The following KANK1 variants were observed in gnomAD, a reference collection of about 807,000 sequenced individuals.
The protein encoded by KANK1 is KN motif and ankyrin repeat domains 1, also known as KN motif and ankyrin repeat domain-containing protein 1.
A neutral mutation model predicts 106.2 loss-of-function variants in KANK1; 109 were observed. The ratio of observed to expected loss-of-function variants is 1.03; its 90% CI spans 0.88 to 1.20. The LOEUF (loss-of-function observed/expected upper bound fraction) is 1.20. KANK1 is among the 50% of genes most tolerant of loss of function. The pLI is 0.00. For synonymous variants in KANK1, 873 were observed against 652.2 expected (o/e 1.34, Z -5.16); for missense variants, 2,399 against 1,710.7 (o/e 1.40, Z -7.10).
chr9:532,364 C>CTT (rs1187078952), intron 1 of KANK1, among the ~76,000 whole-genome samples: 918 of 81,828 alleles, frequency 0.011, 42 homozygotes, highest in African/African-American at 0.034. Context: ...GCCTCAAGCA[C>CTT]TTTTTTTTTT....
chr9:738,886 C>T (rs1169496000), intron 8 of KANK1, among the ~76,000 whole-genome samples: 1 of 152,174 alleles, frequency 6.6e-6, no homozygotes, highest in African/African-American at 2.4e-5. Flanking sequence ...AGGGTCACAG[C>T]CTTGGTGCGT....
intron 2 of KANK1, chr9:693,809 G>C (rs1258046766): frequency 1.0e-6 from 1 of 985,324 alleles, no homozygotes; most frequent in Non-Finnish European, 1.2e-6. Context: ...GCCCACAAAA[G>C]AAAGAGAGGA....
At chr9:547,099 G>T (rs2060979568) in intron 1 of KANK1, among the ~76,000 whole-genome samples, 1 of 152,214 alleles carries the variant, frequency 6.6e-6, no homozygotes, top group Non-Finnish European at 1.5e-5. Flanking sequence ...TTAATTAGCA[G>T]CTCCCTCTGT....
upstream of KANK1, among the ~76,000 whole-genome samples, chr9:501,838 C>T (rs1051171777): frequency 6.6e-6 from 1 of 152,190 alleles, no homozygotes; most frequent in African/African-American, 2.4e-5. Flanking sequence ...TAGGCACAAG[C>T]GCCCAGCCTC....
chr9:600,059 A>G (rs531677773), intron 1 of KANK1, among the ~76,000 whole-genome samples: 1 of 152,014 alleles, frequency 6.6e-6, no homozygotes, highest in Admixed American at 6.5e-5. Context: ...TAGGCATAAC[A>G]CATAATTTAC....
chr9:744,905 T>C (rs955666313), intron 11 of KANK1: 1 of 1,416,700 alleles, frequency 7.1e-7, no homozygotes, highest in African/African-American at 1.4e-5. Flanking sequence ...GGTTCTGGCA[T>C]TGTTCCTGAA....
At chr9:523,462 T>A (rs1392536146) in intron 1 of KANK1, among the ~76,000 whole-genome samples, 4 of 151,746 alleles carry the variant, frequency 2.6e-5, no homozygotes, top group African/African-American at 9.8e-5. Context: ...TGCAATCCAT[T>A]CTCAACAGCC....
intron 1 of KANK1, among the ~76,000 whole-genome samples, chr9:598,935 C>T (rs978719915): frequency 6.8e-6 from 1 of 147,988 alleles, no homozygotes; most frequent in Non-Finnish European, 1.5e-5. Flanking sequence ...CCCGGCCATC[C>T]CTAGGTATTT....
chr9:583,522 G>A (rs1232315596), intron 1 of KANK1, among the ~76,000 whole-genome samples: 2 of 151,982 alleles, frequency 1.3e-5, no homozygotes, highest in Non-Finnish European at 2.9e-5. Context: ...ACATGACAAA[G>A]CTTAATATTA....
chr9:683,856 C>G (rs1024051716), intron 2 of KANK1, among the ~76,000 whole-genome samples: 1 of 152,160 alleles, frequency 6.6e-6, no homozygotes, highest in Non-Finnish European at 1.5e-5. Context: ...TTCAATGAAA[C>G]TGTAGCTGTT....
chr9:511,558 C>G (rs1587373267), intron 1 of KANK1, among the ~76,000 whole-genome samples: 1 of 145,456 alleles, frequency 6.9e-6, no homozygotes, highest in East Asian at 1.9e-4. Context: ...AAAACCAACT[C>G]TGTTGGTTGA....
intron 2 of KANK1, among the ~76,000 whole-genome samples, chr9:686,511 A>G (rs1818608961): frequency 6.6e-6 from 1 of 152,152 alleles, no homozygotes; most frequent in Non-Finnish European, 1.5e-5. Context: ...GAGACCTGGA[A>G]GTCTGTACAC....
At chr9:730,317 A>T in intron 4 of KANK1, 69 bp downstream of exon 4, 1 of 1,414,690 alleles carries the variant, frequency 7.1e-7, no homozygotes, top group South Asian at 1.2e-5. Context: ...TTCCAATTTA[A>T]TGTCAATGTA....
chr9:564,707 C>T (rs1321632657), intron 1 of KANK1, among the ~76,000 whole-genome samples: 1 of 152,186 alleles, frequency 6.6e-6, no homozygotes, highest in African/African-American at 2.4e-5. Flanking sequence ...AGCCGCTCTT[C>T]CACCTCCTAA....
At chr9:702,607 G>A (rs1005965201) in intron 2 of KANK1, among the ~76,000 whole-genome samples, 1 of 152,052 alleles carries the variant, frequency 6.6e-6, no homozygotes, top group Non-Finnish European at 1.5e-5. Flanking sequence ...TGTTTTATTC[G>A]GTCTGCACTT....
chr9:678,337 C>T (rs142178260), intron 2 of KANK1, among the ~76,000 whole-genome samples: 2 of 152,152 alleles, frequency 1.3e-5, no homozygotes, highest in Non-Finnish European at 2.9e-5. Context: ...CATACTTAAT[C>T]CTCACAATAA....
chr9:632,218 G>T (rs893420885), intron 1 of KANK1, among the ~76,000 whole-genome samples: 3 of 152,086 alleles, frequency 2.0e-5, no homozygotes, highest in African/African-American at 7.2e-5. Context: ...GATATTGGCA[G>T]CCAGCTTTTC....
chr9:470,694 G>GC (rs778002589), intron 2 of KANK1: 2 of 152,232 alleles, frequency 1.3e-5, no homozygotes, highest in Non-Finnish European at 2.9e-5. Flanking sequence ...TTTGAAAGAG[G>GC]CCCCACCCTC....
chr9:632,243 CA>C (rs1363703660), intron 1 of KANK1, among the ~76,000 whole-genome samples: 1 of 151,774 alleles, frequency 6.6e-6, no homozygotes, highest in Non-Finnish European at 1.5e-5. Flanking sequence ...TTTTCTTGGC[CA>C]AAAATATTAC....
Sources: gnomAD v4.1 joint callset for allele counts (sites outside exome capture counted in the v4.1 genomes callset) on GRCh38, gnomAD v4.1.1 for gene constraint, MANE v1.5 for transcripts, NCBI Gene and HGNC (gene_info 2026-07-23, HGNC 2026-07-21) for gene names.